The following DIP2C variants were observed in gnomAD, a reference collection of about 807,000 sequenced individuals.
DIP2C encodes the protein disco-interacting protein 2 homolog C.
In DIP2C, 33 loss-of-function variants were observed where a neutral mutation model predicts 192.4. The ratio of observed to expected loss-of-function variants is 0.17; its 90% CI spans 0.13 to 0.23. The LOEUF (loss-of-function observed/expected upper bound fraction) is 0.23. Ranked by LOEUF, DIP2C falls within the 10% of genes least tolerant of loss-of-function variation. The pLI, the probability that DIP2C is intolerant of heterozygous loss-of-function variation, is 1.00. For missense variants in DIP2C, 1,537 were observed against 2,110.1 expected, an observed-to-expected ratio of 0.73 and a Z score of 5.32; for synonymous variants, 979 against 864.1, an observed-to-expected ratio of 1.13 and a Z score of -2.33.
intron 1 of DIP2C, chr10:662,924 T>C: frequency 4.2e-6 from 3 of 717,480 alleles, no homozygotes; most frequent in South Asian, 3.0e-5. Context: ...GAGAGGTGGA[T>C]GTACGCTAAT....
intron 1 of DIP2C, among the ~76,000 whole-genome samples, chr10:543,173 T>C (rs1025460533): frequency 1.3e-5 from 2 of 152,240 alleles, no homozygotes; most frequent in Non-Finnish European, 2.9e-5. Flanking sequence ...GCAAGGATCG[T>C]GTTCCTGAAT....
At chr10:587,813 T>G (rs2445595) in intron 1 of DIP2C, among the ~76,000 whole-genome samples, 2 of 108,416 alleles carry the variant, frequency 1.8e-5, no homozygotes, top group South Asian at 3.9e-4. Flanking sequence ...CTCACCCTCC[T>G]GAAACCCCAC....
chr10:350,632 ATTTTTTTTTTT>A (rs56171130), intron 24 of DIP2C, among the ~76,000 whole-genome samples: 1 of 84,220 alleles, frequency 1.2e-5, no homozygotes, highest in African/African-American at 4.7e-5. Flanking sequence ...GGGCTCAGGA[ATTTTTTTTTTT>A]TTTTTTTTTT....
intron 4 of DIP2C, among the ~76,000 whole-genome samples, chr10:428,829 G>A (rs141611439): frequency 1.3e-5 from 2 of 152,102 alleles, no homozygotes; most frequent in East Asian, 1.9e-4. Context: ...TCTTCACTTT[G>A]GTTAATTTCT....
chr10:358,740 CGGGGGATGGGGGATGGGAGGT>C (rs1204737406), intron 22 of DIP2C, among the ~76,000 whole-genome samples: 1 of 2,128 alleles, frequency 4.7e-4, no homozygotes, highest in Non-Finnish European at 9.9e-4. Context: ...AGGTGGGGGA[CGGGGGATGGGGGATGGGAGGT>C]GGGGGACGGG....
intron 31 of DIP2C, chr10:325,032 A>G (rs72653037): frequency 0.018 from 9,058 of 503,180 alleles, 210 homozygotes; most frequent in African/African-American, 0.075. Flanking sequence ...TTAGGAGGCA[A>G]AGGAAGGCGG....
intron 14 of DIP2C, among the ~76,000 whole-genome samples, chr10:385,495 T>C (rs1962815987): frequency 6.6e-6 from 1 of 152,198 alleles, no homozygotes; most frequent in Admixed American, 6.5e-5. Context: ...TCCCGGTGTG[T>C]TATGCTAACT....
intron 1 of DIP2C, among the ~76,000 whole-genome samples, chr10:573,495 G>A (rs1327758892): frequency 2.6e-5 from 4 of 152,128 alleles, no homozygotes; most frequent in East Asian, 1.9e-4. Context: ...TGCAAGCTCC[G>A]CCTCCCAGGC....
intron 1 of DIP2C, among the ~76,000 whole-genome samples, chr10:589,737 T>A (rs1043009201): frequency 1.3e-5 from 2 of 152,170 alleles, no homozygotes; most frequent in African/African-American, 4.8e-5. Flanking sequence ...AATACTCTAA[T>A]GAGATTCTTC....
At chr10:605,945 G>A (rs991665069) in intron 1 of DIP2C, among the ~76,000 whole-genome samples, 1 of 152,146 alleles carries the variant, frequency 6.6e-6, no homozygotes, top group Non-Finnish European at 1.5e-5. Context: ...GCATCCTGCT[G>A]GGCCCATCTG....
chr10:424,008 A>G (rs1341051455), intron 4 of DIP2C, among the ~76,000 whole-genome samples: 1 of 152,200 alleles, frequency 6.6e-6, no homozygotes, highest in African/African-American at 2.4e-5. Flanking sequence ...ATTTATGAGA[A>G]TATTTTTCAT....
intron 3 of DIP2C, among the ~76,000 whole-genome samples, chr10:454,356 A>T (rs370824369): frequency 6.6e-6 from 1 of 152,198 alleles, no homozygotes. Flanking sequence ...AAAGTACTAA[A>T]AAGGGATAAA....
At chr10:345,200 C>A (rs775799790) in intron 26 of DIP2C, 90 bp from the exon 27 acceptor site, 2 of 1,220,198 alleles carry the variant, frequency 1.6e-6, no homozygotes, top group African/African-American at 3.0e-5. Context: ...ACTACATACA[C>A]TAAAACCATG....
intron 20 of DIP2C, among the ~76,000 whole-genome samples, 175 bp downstream of exon 20, chr10:364,199 A>G (rs1170925716): frequency 1.3e-5 from 2 of 152,262 alleles, no homozygotes; most frequent in Non-Finnish European, 2.9e-5. Context: ...AAAATCTTGG[A>G]CATTCAGAAC....
At chr10:373,383 G>A (rs1318172048) in intron 17 of DIP2C, among the ~76,000 whole-genome samples, 1 of 152,140 alleles carries the variant, frequency 6.6e-6, no homozygotes, top group African/African-American at 2.4e-5. Context: ...TCCTAGATAT[G>A]CAGTTAAGTA....
intron 1 of DIP2C, among the ~76,000 whole-genome samples, chr10:583,323 T>C (rs552425578): frequency 3.3e-5 from 5 of 152,368 alleles, no homozygotes; most frequent in Admixed American, 3.3e-4. Flanking sequence ...ATAGGATAGC[T>C]AGTTGGGAAC....
intron 1 of DIP2C, among the ~76,000 whole-genome samples, chr10:548,867 CCCAAA>C (rs976640485): frequency 4.9e-5 from 6 of 123,624 alleles, no homozygotes; most frequent in African/African-American, 9.7e-5. Flanking sequence ...TAGCACATTT[CCCAAA>C]CCAAAGAACA....
At chr10:563,765 G>C (rs578027657) in intron 1 of DIP2C, among the ~76,000 whole-genome samples, 1 of 152,332 alleles carries the variant, frequency 6.6e-6, no homozygotes, top group African/African-American at 2.4e-5. Context: ...CTTTCGGTGA[G>C]AATGGTTGCT....
intron 14 of DIP2C, among the ~76,000 whole-genome samples, chr10:387,350 T>C (rs1353201264): frequency 1.3e-5 from 2 of 152,190 alleles, no homozygotes; most frequent in Non-Finnish European, 2.9e-5. Flanking sequence ...ACAGTGACGA[T>C]TTTCTGCTTC....
Sources: gnomAD v4.1 joint callset for allele counts (sites outside exome capture counted in the v4.1 genomes callset) on GRCh38, gnomAD v4.1.1 for gene constraint, MANE v1.5 for transcripts, NCBI Gene and HGNC (gene_info 2026-07-23, HGNC 2026-07-21) for gene names.